Variants in PAK4 observed in about 807,000 individuals in gnomAD.
The protein encoded by PAK4 is p21 (RAC1) activated kinase 4.
Under a neutral mutation model 53.5 loss-of-function variants are expected in PAK4, and 49 were observed. That is an observed-to-expected ratio of 0.92 (90% CI 0.73 to 1.16). The LOEUF (loss-of-function observed/expected upper bound fraction) is 1.16. PAK4 is among the 50% of genes most tolerant of loss of function. The pLI, the probability that PAK4 is intolerant of heterozygous loss-of-function variation, is 0.00. For missense variants in PAK4, 824 were observed against 850.7 expected, an observed-to-expected ratio of 0.97 and a Z score of 0.39; for synonymous variants, 376 against 375.6, an observed-to-expected ratio of 1.00 and a Z score of -0.01.
chr19:39,141,776 C>T lies in PAK4; in HGVS notation c.-23+15857C>T, dbSNP rs141143100. On this transcript the variant is annotated intron_variant, in intron 1 of 8. Transcript: ENST00000358301. ...TCAGCCTCCCGAGTAGCTGGGATTA[C>T]AGGCGCCCGCCACCACGCCTGGCTA... is the stretch of plus-strand genomic sequence containing the variant. Among the ~76,000 whole-genome samples, 1,212 of 152,266 alleles carry T rather than the reference C, an allele frequency of 8.0e-3. 9 individuals carry two copies. The highest frequency in any genetic ancestry group is 0.012 in the Non-Finnish European group (840 of 68,006).
intron 1 of PAK4, among the ~76,000 whole-genome samples, chr19:39,165,767 T>C (rs2144795954): frequency 6.6e-6 from 1 of 152,162 alleles, no homozygotes; most frequent in South Asian, 2.1e-4. Flanking sequence ...ATTCATGAAT[T>C]GGGATGAGGA....
At chr19:39,130,863 C>T (rs1294614080) in intron 1 of PAK4, among the ~76,000 whole-genome samples, 2 of 147,990 alleles carry the variant, frequency 1.4e-5, no homozygotes, top group African/African-American at 2.5e-5. Flanking sequence ...ATTGCTCAGG[C>T]TGCTGTGTGG....
At chr19:39,177,608 C>T in intron 7 of PAK4, 67 bp from the exon 9 acceptor site, 2 of 1,532,832 alleles carry the variant, frequency 1.3e-6, no homozygotes, top group East Asian at 2.3e-5. Flanking sequence ...GCGGTCCCTG[C>T]CTGAGGCCTC....
intron 1 of PAK4, among the ~76,000 whole-genome samples, chr19:39,138,420 C>T (rs373003553): frequency 3.3e-5 from 5 of 152,328 alleles, no homozygotes; most frequent in South Asian, 2.1e-4. Flanking sequence ...AGTGTATGTA[C>T]GTGTGCTCGT....
intron 6 of PAK4, 156 bp from the exon 8 acceptor site, chr19:39,176,434 G>A (rs527453394): frequency 1.1e-6 from 1 of 933,940 alleles, no homozygotes; most frequent in South Asian, 1.5e-5. Context: ...GCTCCCCATT[G>A]GTCTGGCTCT....
At chr19:39,160,209 G>T (rs1309163089) in intron 1 of PAK4, among the ~76,000 whole-genome samples, 1 of 152,034 alleles carries the variant, frequency 6.6e-6, no homozygotes, top group Non-Finnish European at 1.5e-5. Flanking sequence ...CGAGGCCCAG[G>T]GACTTGTGTC....
At chr19:39,156,339 C>G (rs2074180860) in intron 1 of PAK4, among the ~76,000 whole-genome samples, 1 of 152,154 alleles carries the variant, frequency 6.6e-6, no homozygotes, top group African/African-American at 2.4e-5. Flanking sequence ...CCAGCCACCC[C>G]CACGTACATA....
chr19:39,133,078 C>T (rs373659977), intron 1 of PAK4, among the ~76,000 whole-genome samples: 73 of 152,328 alleles, frequency 4.8e-4, no homozygotes, highest in African/African-American at 1.6e-3. Context: ...GAGCTCCTAA[C>T]CCATCTGACA....
intron 1 of PAK4, among the ~76,000 whole-genome samples, chr19:39,128,753 C>A (rs1425742054): frequency 6.6e-6 from 1 of 152,202 alleles, no homozygotes; most frequent in Non-Finnish European, 1.5e-5. Context: ...CAGCCTCTGT[C>A]CTGGGTGTGG....
intron 1 of PAK4, among the ~76,000 whole-genome samples, chr19:39,130,561 G>C (rs1177854728): frequency 2.6e-5 from 4 of 152,110 alleles, no homozygotes; most frequent in Non-Finnish European, 5.9e-5. Flanking sequence ...CCTCGGAATG[G>C]TCGAGGATCA....
intron 1 of PAK4, among the ~76,000 whole-genome samples, chr19:39,164,268 ACT>A (rs1400066820): frequency 1.4e-5 from 2 of 144,316 alleles, no homozygotes; most frequent in Admixed American, 7.0e-5. Flanking sequence ...CAAGAGTGAA[ACT>A]CTGTCTCAAA....
exon 2 of PAK4, chr19:39,169,560 G>C: frequency 6.2e-7 from 1 of 1,612,994 alleles, no homozygotes; most frequent in Admixed American, 1.7e-5. Flanking sequence ...CACCATGTTT[G>C]GGAAGAGGAA....
chr19:39,132,492 C>T lies in PAK4; in HGVS notation c.-23+6573C>T, dbSNP rs112394778. On this transcript the variant is annotated intron_variant, in intron 1 of 8. Transcript: ENST00000358301. ...GTCCTGTGCTTTGCGTTTCCCACTC[C>T]GAAGCTCGCTGTCAGGACACAGAGT... Among the ~76,000 whole-genome samples the T allele has an allele frequency of 7.5e-3, 1,136 of 152,382 alleles. 16 individuals are homozygous for T. Among genetic ancestry groups the T allele is most frequent in the African/African-American group, 0.025 (1,048 of 41,584 alleles).
intron 1 of PAK4, among the ~76,000 whole-genome samples, chr19:39,154,138 C>T (rs1470338190): frequency 1.3e-5 from 2 of 152,064 alleles, no homozygotes; most frequent in East Asian, 1.9e-4. Flanking sequence ...CTCCTGGGGA[C>T]GAGCATTTGT....
intron 1 of PAK4, among the ~76,000 whole-genome samples, chr19:39,150,737 T>A (rs1402589547): frequency 6.6e-6 from 1 of 151,942 alleles, no homozygotes; most frequent in Non-Finnish European, 1.5e-5. Context: ...AAAAAATAAA[T>A]TAATAAAAAT....
intron 1 of PAK4, among the ~76,000 whole-genome samples, chr19:39,164,277 C>CAAAA (rs57848634): frequency 3.9e-5 from 3 of 77,720 alleles, no homozygotes; most frequent in Non-Finnish European, 7.6e-5. Flanking sequence ...AACTCTGTCT[C>CAAAA]AAAAAAAAAA....
At chr19:39,165,470 G>A (rs955442833) in intron 1 of PAK4, among the ~76,000 whole-genome samples, 18 of 150,376 alleles carry the variant, frequency 1.2e-4, no homozygotes, top group Admixed American at 8.6e-4. Flanking sequence ...AGCTGAGATT[G>A]CACCACTGCA....
At chr19:39,166,995 T>TG (rs1178012295) in intron 1 of PAK4, among the ~76,000 whole-genome samples, 1 of 152,094 alleles carries the variant, frequency 6.6e-6, no homozygotes, top group Non-Finnish European at 1.5e-5. Context: ...CCCCTTCCCT[T>TG]GGGGGTTTAT....
chr19:39,169,847 ACCT>A (rs2074445602), intron 2 of PAK4, 90 bp downstream of exon 3: 1 of 864,406 alleles, frequency 1.2e-6, no homozygotes. Context: ...TGTGACCGAC[ACCT>A]CCTCACTGAC....
Sources: gnomAD v4.1 joint callset for allele counts (sites outside exome capture counted in the v4.1 genomes callset) on GRCh38, gnomAD v4.1.1 for gene constraint, MANE v1.5 for transcripts, NCBI Gene and HGNC (gene_info 2026-07-23, HGNC 2026-07-21) for gene names.